Variants in LANCL2 observed in about 807,000 individuals in gnomAD.
The protein encoded by LANCL2 is LanC like glutathione S-transferase 2.
Under a neutral mutation model 56.9 loss-of-function variants are expected in LANCL2, and 33 were observed. That is an observed-to-expected ratio of 0.58 (90% confidence interval 0.44 to 0.78). LANCL2 has a LOEUF of 0.78. LANCL2 is among the 30% of genes least tolerant of loss of function. The probability of loss-of-function intolerance (pLI) is 0.00; values close to 1 mark genes in which losing one functional copy is unlikely to be tolerated. For missense variants in LANCL2, 562 were observed against 580.2 expected, an observed-to-expected ratio of 0.97 and a Z score of 0.32; for synonymous variants, 233 against 228.2, an observed-to-expected ratio of 1.02 and a Z score of -0.19.
At position 55,365,897 on chromosome 7, in the gene LANCL2, G is replaced by C; in HGVS notation, c.-129G>C. On this transcript the variant is annotated 5_prime_UTR_variant, in exon 1 of 9. Transcript: ENST00000254770. Reference sequence around the variant, plus strand: ...CACGCTCAGACGCCCCGCTCCTCCCGCCAGCGCGCGGCCTCGCTCCTCCTA... The same window carrying C: ...CACGCTCAGACGCCCCGCTCCTCCCCCCAGCGCGCGGCCTCGCTCCTCCTA... 4.5e-6 allele frequency: 3 copies of C among 662,964 alleles called. No homozygotes were observed. Among genetic ancestry groups the C allele is most frequent in the Non-Finnish European group, 7.0e-6 (3 of 429,494 alleles). 41.1% of individuals were successfully genotyped at this position (662,964 alleles called of 1,614,324 possible). A position where few individuals can be genotyped will look rare whatever the true frequency, so the allele number is the denominator to read the frequency against.
At position 55,417,023 on chromosome 7, in the gene LANCL2, A is replaced by G. The variant is rs560778480; in HGVS notation, c.1008+4934A>G. ...GAGACAGAGTCTCACTCTGTCGCCC[A>G]GGCTGGAGTGCAGTGGCACGATCTC... is the stretch of plus-strand genomic sequence containing the variant. On this transcript the variant is annotated intron_variant, in intron 6 of 8. Coordinates refer to ENST00000254770, the MANE Select transcript of LANCL2 (RefSeq NM_018697.4). 7.7e-5 allele frequency among the ~76,000 whole-genome samples: 9 copies of G among 116,678 alleles called. No homozygotes were observed. The East Asian group carries it at 1.1e-3, about 14-fold the overall frequency. 76.5% of individuals were successfully genotyped at this position (116,678 alleles called of 152,430 possible).
At chr7:55,371,193 C>G (rs745605047) in intron 1 of LANCL2, among the ~76,000 whole-genome samples, 1 of 152,164 alleles carries the variant, frequency 6.6e-6, no homozygotes, top group Non-Finnish European at 1.5e-5. Context: ...AACCCACTGC[C>G]TCCGGTAATA....
intron 1 of LANCL2, among the ~76,000 whole-genome samples, chr7:55,378,920 C>G (rs1305060407): frequency 2.6e-5 from 4 of 152,166 alleles, no homozygotes; most frequent in Admixed American, 2.6e-4. Context: ...ATCACGAGGT[C>G]AGGAGATCGA....
At chr7:55,426,983 G>T (rs1790671153) in intron 7 of LANCL2, among the ~76,000 whole-genome samples, 1 of 152,228 alleles carries the variant, frequency 6.6e-6, no homozygotes, top group Non-Finnish European at 1.5e-5. Flanking sequence ...CCAGGCAGGG[G>T]TGGCCTGCAG....
In LANCL2 at chr7:55,411,928, G is replaced by A. The variant is rs757843405; in HGVS notation, c.847G>A (p.Glu283Lys). Residue 283 changes from glutamate to lysine, a missense_variant, in exon 6 of 9, where the codon GAA becomes AAA. Transcript: ENST00000254770. ...AAAGCCGGCAGCAAAAGTGGACCAAGAAACCTTGACAGAAATGGTGAAACC... is the reference window on the plus strand; with the variant it reads ...AAAGCCGGCAGCAAAAGTGGACCAAAAAACCTTGACAGAAATGGTGAAACC... ...LMQPAAKVDQ[E>K]TLTEMVKPSI... The A allele has an allele frequency of 5.0e-6, 8 of 1,612,236 alleles. No homozygotes were observed. The East Asian group carries it at 1.8e-4, about 36-fold the overall frequency.
intron 5 of LANCL2, among the ~76,000 whole-genome samples, chr7:55,403,430 G>T (rs905179145): frequency 2.0e-5 from 3 of 152,106 alleles, no homozygotes; most frequent in East Asian, 1.9e-4. Context: ...GGGGGAGACC[G>T]TGGAAAGAGA....
chr7:55,410,721 A>AC (rs1790461113), intron 5 of LANCL2, among the ~76,000 whole-genome samples: 1 of 152,184 alleles, frequency 6.6e-6, no homozygotes, highest in Admixed American at 6.5e-5. Context: ...TTAACATGTC[A>AC]CCCTGAGACG....
At position 55,433,584 on chromosome 7, in the gene LANCL2, T is replaced by C. The variant is rs1316494629; in HGVS notation, c.*2264T>C. On this transcript the variant is annotated 3_prime_UTR_variant, in exon 9 of 9. Coordinates refer to ENST00000254770, the MANE Select transcript of LANCL2 (RefSeq NM_018697.4). ...TCTCATTCATTTCTTAGATTTGTAT[T>C]CACAATTGTGTTCTCTAAAATGTGT... 6.6e-6 allele frequency: 1 copy of C among 152,256 alleles called. No homozygotes were observed. Among genetic ancestry groups the C allele is most frequent in the Non-Finnish European group, 1.5e-5 (1 of 68,038 alleles). The allele number at this position is 152,256 out of a possible 1,614,324, so 9.4% of individuals were successfully genotyped here. A position where few individuals can be genotyped will look rare whatever the true frequency, so the allele number is the denominator to read the frequency against.
intron 1 of LANCL2, among the ~76,000 whole-genome samples, chr7:55,389,944 A>G (rs560194327): frequency 4.2e-4 from 64 of 152,326 alleles, no homozygotes; most frequent in African/African-American, 1.5e-3. Flanking sequence ...CTGGGGCCTC[A>G]TGGCACTTTG....
chr7:55,383,350 G>A (rs1453748826), intron 1 of LANCL2, among the ~76,000 whole-genome samples: 1 of 152,166 alleles, frequency 6.6e-6, no homozygotes, highest in African/African-American at 2.4e-5. Context: ...TATATTGGGA[G>A]GCTGGAGGAG....
At chr7:55,391,952 A>T (rs368276223) in intron 2 of LANCL2, 42 bp downstream of exon 2, 3 of 1,094,596 alleles carry the variant, frequency 2.7e-6, no homozygotes, top group Non-Finnish European at 2.8e-6. Flanking sequence ...TTTTATTCTT[A>T]GATTATGAGA....
intron 1 of LANCL2, among the ~76,000 whole-genome samples, chr7:55,380,604 T>C (rs957511979): frequency 1.3e-5 from 2 of 152,154 alleles, no homozygotes; most frequent in African/African-American, 4.8e-5. Context: ...ATGTCCAGAT[T>C]CTATCGAATA....
chr7:55,365,797 AG>A lies in LANCL2; in HGVS notation c.-227del, dbSNP rs1313393046. ...CCGTCGGGAGCAGGGCAAAGGCGCC[AG>A]GAACAGGGCAGAGGCACAGCGCCCA... On this transcript the variant is annotated 5_prime_UTR_variant, in exon 1 of 9. Coordinates refer to ENST00000254770, the MANE Select transcript of LANCL2 (RefSeq NM_018697.4). The A allele has an allele frequency of 7.6e-6, 3 of 394,938 alleles. No homozygotes were observed. The highest frequency in any genetic ancestry group is 1.3e-5 in the Non-Finnish European group (3 of 222,502). 24.5% of individuals were successfully genotyped at this position (394,938 alleles called of 1,614,324 possible).
Position 55,399,941 on chromosome 7 carries a change from T to A in LANCL2, c.531-16T>A. ...AGACTTCCACTGGGAAAAAATTAAT[T>A]TTTCTTATTGGTTAGACTTTTGCAG... On this transcript the variant is annotated splice_polypyrimidine_tract_variant and intron_variant, in intron 3 of 8. Coordinates refer to ENST00000254770, the MANE Select transcript of LANCL2 (RefSeq NM_018697.4). 6.3e-7 allele frequency: 1 copy of A among 1,598,538 alleles called. No homozygotes were observed. Among genetic ancestry groups the A allele is most frequent in the Non-Finnish European group, 8.6e-7 (1 of 1,168,702 alleles).
Position 55,433,504 on chromosome 7 carries a change from CAG to C in LANCL2, c.*2187_*2188del, listed in dbSNP as rs1562873151. 6.6e-6 allele frequency: 1 copy of C among 152,188 alleles called. No homozygotes were observed. Among genetic ancestry groups the C allele is most frequent in the Non-Finnish European group, 1.5e-5 (1 of 68,042 alleles). 9.4% of individuals were successfully genotyped at this position (152,188 alleles called of 1,614,324 possible). The stretch of plus-strand genomic sequence containing the variant: ...GAGAAACGGGACTTACTTCACAGGA[CAG>C]AGGATTGACAGAAGTCAGTTTAAGA... On this transcript the variant is annotated 3_prime_UTR_variant, in exon 9 of 9. Transcript: ENST00000254770.
At chr7:55,426,696 G>A (rs565244350) in intron 7 of LANCL2, among the ~76,000 whole-genome samples, 20 of 152,212 alleles carry the variant, frequency 1.3e-4, no homozygotes, top group Admixed American at 8.5e-4. Flanking sequence ...TTAAGCAAAG[G>A]GGGATGAGGA....
intron 1 of LANCL2, among the ~76,000 whole-genome samples, chr7:55,388,703 G>A (rs994239353): frequency 1.3e-5 from 2 of 152,170 alleles, no homozygotes; most frequent in Non-Finnish European, 2.9e-5. Flanking sequence ...GGTATAGGAC[G>A]AATTTTTCCC....
intron 2 of LANCL2, among the ~76,000 whole-genome samples, chr7:55,393,874 C>T (rs186699380): frequency 1.3e-5 from 2 of 152,250 alleles, no homozygotes; most frequent in African/African-American, 4.8e-5. Context: ...TGTGGCTAAC[C>T]TGAAGTAAAA....
chr7:55,425,125 G>A (rs1026247092), intron 6 of LANCL2, 129 bp from the exon 7 acceptor site: 17 of 843,390 alleles, frequency 2.0e-5, no homozygotes, highest in East Asian at 1.6e-4. Context: ...TTGTTTGTCT[G>A]TTTTTCACCC....
Sources: gnomAD v4.1 joint callset for allele counts (sites outside exome capture counted in the v4.1 genomes callset) on GRCh38, gnomAD v4.1.1 for gene constraint, MANE v1.5 for transcripts, NCBI Gene and HGNC (gene_info 2026-07-23, HGNC 2026-07-21) for gene names.